Variants in NLRP7 observed in about 807,000 individuals in gnomAD.
NLRP7 encodes NLR family pyrin domain containing 7.
A neutral mutation model predicts 85.5 loss-of-function variants in NLRP7; 72 were observed. The observed-to-expected ratio is 0.84, with a 90% CI of 0.70 to 1.02. The LOEUF (loss-of-function observed/expected upper bound fraction) is 1.02. Among genes scored for constraint, NLRP7 ranks in the 50% least tolerant of loss-of-function variants. The pLI is 0.00. For synonymous variants in NLRP7, 550 were observed against 505.2 expected, an observed-to-expected ratio of 1.09 and a Z score of -1.19; for missense variants, 1,243 against 1,219.5, an observed-to-expected ratio of 1.02 and a Z score of -0.29.
rs751523675 is a variant in NLRP7 at position 54,934,468 on chromosome 19, C to T, written c.2471+21G>A. On this transcript the variant is annotated intron_variant, in intron 7 of 9. Coordinates refer to ENST00000340844, the Ensembl canonical transcript of NLRP7. The surrounding 1 kb of genome is among the most constrained non-coding windows in gnomAD (Gnocchi z 6.7). ...AGCCCCAGAACTAAACCAGAGCTGC[C>T]CATGGGAAGAGGAGACTTACGACAA... The T allele has an allele frequency of 1.1e-5, 18 of 1,613,460 alleles. No individual in the cohort carries two copies. The highest frequency in any genetic ancestry group is 1.3e-5 in the African/African-American group (1 of 74,880).
intron 1 of NLRP7, among the ~76,000 whole-genome samples, chr19:54,946,764 C>G (rs2146253809): frequency 6.6e-6 from 1 of 152,134 alleles, no homozygotes; most frequent in South Asian, 2.1e-4. Flanking sequence ...CTCAACCTTC[C>G]AAGTAACTGG....
chr19:54,926,822 A>C (rs2068458184), intron 9 of NLRP7, among the ~76,000 whole-genome samples: 1 of 151,626 alleles, frequency 6.6e-6, no homozygotes, highest in Non-Finnish European at 1.5e-5. Flanking sequence ...AGGCTGAGGC[A>C]GGAGAATCAC....
intron 9 of NLRP7, 30 bp from the exon 10 acceptor site, chr19:54,927,805 A>G (rs754674915): frequency 3.7e-6 from 6 of 1,603,706 alleles, no homozygotes; most frequent in Non-Finnish European, 5.1e-6. Context: ...AAATCCACGC[A>G]TTCACTGAGC....
chr19:54,964,357 C>T (rs969502660), intron 1 of NLRP7, among the ~76,000 whole-genome samples: 17 of 149,884 alleles, frequency 1.1e-4, no homozygotes, highest in African/African-American at 4.1e-4. Context: ...GCTGGGACTA[C>T]AGGTGCCCGC....
At chr19:54,924,078 A>T (rs545840625) in intron 9 of NLRP7, among the ~76,000 whole-genome samples, 1 of 152,076 alleles carries the variant, frequency 6.6e-6, no homozygotes, top group Non-Finnish European at 1.5e-5. Flanking sequence ...AGCAATTCTC[A>T]TGCCTCAGGC....
rs758672812 is a variant in NLRP7, at chr19:54,933,726, G to A, written c.2485C>T (p.Arg829Cys). ...TCCTTGCAACTGGCTTCTGTAAGAC[G>A]ACAGTTTTCCAACCTGCAAAAATAT... The change falls in exon 8 of 10, where the codon CGT (arginine) becomes TGT (cysteine). Residue 829 changes from arginine (R) to cysteine (C), a missense_variant. Transcript: ENST00000340844. 3.1e-6 allele frequency: 5 copies of A among 1,614,036 alleles called. No individual in the cohort carries two copies. Among genetic ancestry groups the A allele is most frequent in the South Asian group, 2.2e-5 (2 of 91,082 alleles).
chr19:54,945,993 G>A (rs995690919), intron 1 of NLRP7, among the ~76,000 whole-genome samples: 140 of 151,744 alleles, frequency 9.2e-4, no homozygotes, highest in African/African-American at 3.3e-3. Context: ...GGGTTTCACC[G>A]TGTTAGCCAG....
intron 5 of NLRP7, among the ~76,000 whole-genome samples, chr19:54,936,895 A>G (rs995677340): frequency 3.3e-5 from 5 of 151,626 alleles, no homozygotes; most frequent in Admixed American, 2.6e-4. Context: ...AGCCTGGGCA[A>G]CAGAGCAAGA....
intron 8 of NLRP7, among the ~76,000 whole-genome samples, chr19:54,931,486 T>C (rs998790773): frequency 2.0e-5 from 3 of 151,934 alleles, no homozygotes; most frequent in Non-Finnish European, 4.4e-5. Flanking sequence ...GGTCGGGAGT[T>C]CAAGACCAGC....
upstream of NLRP7, among the ~76,000 whole-genome samples, chr19:54,948,229 C>A (rs1205012162): frequency 6.6e-6 from 1 of 152,024 alleles, no homozygotes; most frequent in African/African-American, 2.4e-5. Context: ...ACTAAACATA[C>A]AAAAAATTAG....
intron 1 of NLRP7, among the ~76,000 whole-genome samples, chr19:54,959,504 T>C (rs774634484): frequency 6.6e-6 from 1 of 151,386 alleles, no homozygotes; most frequent in Non-Finnish European, 1.5e-5. Context: ...ACGGTTTCTC[T>C]CTTCCCTCAC....
At chr19:54,952,504 G>T (rs548763696), upstream of NLRP7, among the ~76,000 whole-genome samples, 50 of 151,756 alleles carry the variant, frequency 3.3e-4, no homozygotes, top group African/African-American at 1.1e-3. Context: ...TGAGGCAAGA[G>T]AATTACTTGA....
Position 54,942,255 on chromosome 19 carries a change from CAAAAAAAAAAAA to C in NLRP7, c.-39-517_-39-506del, listed in dbSNP as rs576434793. ...TGGGCGACAGAGCGAGACTCCGTCT[CAAAAAAAAAAAA>C]AAAAAAAAAAAAAAGAATACAAAGA... On this transcript the variant is annotated intron_variant, in intron 1 of 9. Coordinates refer to ENST00000340844, the Ensembl canonical transcript of NLRP7. Among the ~76,000 whole-genome samples the C allele has an allele frequency of 9.3e-4, 55 of 59,448 alleles. No homozygotes were observed. In the South Asian group the frequency reaches 0.03, roughly 32 times the overall value. The allele number at this position is 59,448 out of a possible 152,430, so 39.0% of individuals were successfully genotyped here.
intron 3 of NLRP7, 130 bp downstream of exon 3, chr19:54,940,801 T>C (rs8107081): frequency 0.12 from 91,296 of 751,244 alleles, 6,141 homozygotes; most frequent in African/African-American, 0.17. Context: ...CACTCCAGCC[T>C]GGGCTACAGA....
At position 54,939,632 on chromosome 19, in the gene NLRP7, C is replaced by T. The variant is rs375095148; in HGVS notation, c.1187G>A (p.Arg396His). The stretch of plus-strand genomic sequence containing the variant: ...CTGCGGGAACCGGCTGCAGAGGAAA[C>T]GCAGGAACAGCCCCGTGCGGGTGAG... The change falls in exon 4 of 10, where the codon CGT (arginine) becomes CAT (histidine). Residue 396 changes from arginine (R) to histidine (H), a missense_variant. By Grantham distance (29) the Arg-to-His change is conservative. Coordinates refer to ENST00000340844, the Ensembl canonical transcript of NLRP7. 7.4e-6 allele frequency: 12 copies of T among 1,610,950 alleles called. No homozygotes were observed. The highest frequency in any genetic ancestry group is 1.0e-5 in the Non-Finnish European group (12 of 1,179,454).
intron 1 of NLRP7, among the ~76,000 whole-genome samples, chr19:54,942,614 CG>C (rs2069284659): frequency 6.6e-6 from 1 of 151,652 alleles, no homozygotes; most frequent in Non-Finnish European, 1.5e-5. Context: ...CTCAGGAGGC[CG>C]AGACAGGAGA....
rs142636236 is a variant in NLRP7, at chr19:54,936,167, G to A, written c.2300+94C>T. ...GAGGAATACATTCCCTGTCTGGGAC[G>A]GCATCTGGAGTGGTTACCCTTTTTC... On this transcript the variant is annotated intron_variant, in intron 6 of 9. Transcript: ENST00000340844. 3.2e-4 allele frequency: 343 copies of A among 1,077,042 alleles called. 1 individual carries two copies. Among genetic ancestry groups the A allele is most frequent in the Non-Finnish European group, 4.3e-4 (301 of 702,834 alleles). The allele number at this position is 1,077,042 out of a possible 1,614,324, so 66.7% of individuals were successfully genotyped here. A position where few individuals can be genotyped will look rare whatever the true frequency, so the allele number is the denominator to read the frequency against.
intron 9 of NLRP7, among the ~76,000 whole-genome samples, chr19:54,928,673 A>T (rs1257225640): frequency 1.3e-5 from 2 of 152,166 alleles, no homozygotes; most frequent in African/African-American, 4.8e-5. Flanking sequence ...GTAGATCATG[A>T]ACCAGCATGC....
chr19:54,958,638 C>G (rs1409536312), intron 1 of NLRP7, among the ~76,000 whole-genome samples: 1 of 149,712 alleles, frequency 6.7e-6, no homozygotes, highest in Non-Finnish European at 1.5e-5. Context: ...GAGTGAGACT[C>G]TGTCTCAAAT....
Sources: allele counts gnomAD v4.1 joint callset (sites outside exome capture counted in the v4.1 genomes callset), GRCh38; gene constraint gnomAD v4.1.1; non-coding constraint Gnocchi (gnomAD v3.1); transcripts MANE v1.5; gene names NCBI Gene and HGNC (gene_info 2026-07-23, HGNC 2026-07-21).